Variants in ERICH3 observed in about 807,000 individuals in gnomAD.
ERICH3 encodes glutamate rich 3, also known as glutamate-rich protein 3.
In ERICH3, 126 loss-of-function variants were observed where a neutral mutation model predicts 131.1. The observed-to-expected ratio is 0.96, with a 90% CI of 0.83 to 1.11. The LOEUF (loss-of-function observed/expected upper bound fraction) is 1.11. ERICH3 is among the 50% of genes most tolerant of loss of function. The pLI is 0.00. For missense variants in ERICH3, 2,050 were observed against 1,810.7 expected (o/e 1.13, Z -2.40); for synonymous variants, 695 against 644.6 (o/e 1.08, Z -1.18).
chr1:74,669,239 T>C (rs768643256), intron 1 of ERICH3, among the ~76,000 whole-genome samples: 13 of 152,282 alleles, frequency 8.5e-5, no homozygotes, highest in Non-Finnish European at 1.6e-4. Flanking sequence ...AGGTATAAAC[T>C]AATAAGCCTA....
intron 10 of ERICH3, among the ~76,000 whole-genome samples, chr1:74,605,164 G>A (rs536145502): frequency 6.6e-6 from 1 of 151,914 alleles, no homozygotes; most frequent in Admixed American, 6.6e-5. Flanking sequence ...TAACCCTCAC[G>A]AACCAACCTC....
intron 9 of ERICH3, among the ~76,000 whole-genome samples, chr1:74,607,952 A>G (rs936222112): frequency 1.3e-5 from 2 of 151,878 alleles, no homozygotes; most frequent in South Asian, 4.1e-4. Flanking sequence ...TACCTCATAG[A>G]CCAATAAATT....
At chr1:74,578,839 C>CCCTCT (rs1486875887) in intron 12 of ERICH3, among the ~76,000 whole-genome samples, 1 of 152,052 alleles carries the variant, frequency 6.6e-6, no homozygotes, top group Non-Finnish European at 1.5e-5. Context: ...ACTTACTGAC[C>CCCTCT]CCTCTGTATT....
intron 7 of ERICH3, 47 bp from the exon 8 acceptor site, chr1:74,620,961 T>A: frequency 7.1e-7 from 1 of 1,409,222 alleles, no homozygotes; most frequent in Non-Finnish European, 9.5e-7. Flanking sequence ...TACTTTCTAA[T>A]GAGAGTTCTT....
intron 8 of ERICH3, among the ~76,000 whole-genome samples, chr1:74,618,361 T>C (rs956446600): frequency 4.6e-5 from 7 of 151,748 alleles, no homozygotes; most frequent in Non-Finnish European, 1.0e-4. Flanking sequence ...ACAAAGGAAA[T>C]AGCACAAGCA....
intron 11 of ERICH3, among the ~76,000 whole-genome samples, chr1:74,594,313 G>T (rs181477821): frequency 1.4e-5 from 2 of 142,916 alleles, no homozygotes; most frequent in Non-Finnish European, 3.0e-5. Context: ...TGTATGCTTT[G>T]TATGCCAGCA....
chr1:74,659,641 A>T (rs1646621310), intron 1 of ERICH3, among the ~76,000 whole-genome samples: 1 of 152,212 alleles, frequency 6.6e-6, no homozygotes, highest in South Asian at 2.1e-4. Flanking sequence ...AGTGTGCTAC[A>T]ATCACAACAG....
chr1:74,573,223 C>A lies in ERICH3; in HGVS notation c.2487G>T (p.Arg829Ser). 6.2e-7 allele frequency: 1 copy of A among 1,611,838 alleles called. No homozygotes were observed. Among genetic ancestry groups the A allele is most frequent in the Non-Finnish European group, 8.5e-7 (1 of 1,178,844 alleles). ...CCCTTTCTATGCCTGGAGGGATCTC[C>A]CTTTTTTCTGTAAACTCTTCTGCCA... ...PELAEEFTEK[R>S]EIPPGIERGA... Residue 829 changes from arginine to serine, a missense_variant, in exon 14 of 15, where the codon AGG (arginine) becomes AGT (serine). Transcript: ENST00000326665.
chr1:74,589,688 C>T lies in ERICH3; in HGVS notation c.2119G>A (p.Glu707Lys). 6.2e-7 allele frequency: 1 copy of T among 1,614,056 alleles called. No individual in the cohort carries two copies. The highest frequency in any genetic ancestry group is 1.7e-5 in the Admixed American group (1 of 60,006). Residue 707 changes from glutamate (E) to lysine (K), a missense_variant, in exon 12 of 15, where the codon GAA (glutamate) becomes AAA (lysine). Transcript: ENST00000326665. ...KEKDKSKLWE[E>K]STAQVKDKKA... ...TTGTCCTTCACCTGAGCAGTGCTTTCTTCCCAAAGCTTACTCTTATCCTTT... is the reference window on the plus strand; with the variant it reads ...TTGTCCTTCACCTGAGCAGTGCTTTTTTCCCAAAGCTTACTCTTATCCTTT...
chr1:74,655,896 A>G (rs1259145569), intron 1 of ERICH3, among the ~76,000 whole-genome samples: 2 of 152,168 alleles, frequency 1.3e-5, no homozygotes, highest in African/African-American at 4.8e-5. Context: ...ATTTCTCACA[A>G]TACTGGAGGC....
intron 5 of ERICH3, among the ~76,000 whole-genome samples, chr1:74,636,738 T>G (rs1217308157): frequency 1.3e-5 from 2 of 152,204 alleles, no homozygotes; most frequent in African/African-American, 4.8e-5. Flanking sequence ...TGACAATAAC[T>G]AATTTATGCT....
chr1:74,571,053 G>A (rs1646933077), intron 14 of ERICH3, 46 bp downstream of exon 14: 2 of 1,550,766 alleles, frequency 1.3e-6, no homozygotes, highest in East Asian at 2.3e-5. Context: ...GAGACCCACC[G>A]CAGGGCTGCT....
rs1646999189 is a variant in ERICH3 at position 74,573,542 on chromosome 1, G to A, written c.2219-51C>T. 5.5e-6 allele frequency: 8 copies of A among 1,466,656 alleles called. No homozygotes were observed. In the South Asian group the frequency reaches 9.0e-5, roughly 16 times the overall value. 90.9% of individuals were successfully genotyped at this position (1,466,656 alleles called of 1,614,324 possible). ...GATTACTTTAATCCAAGCGAACAAGGGAGGGGACACTATAATCTTATATCA... is the reference window on the plus strand; with the variant it reads ...GATTACTTTAATCCAAGCGAACAAGAGAGGGGACACTATAATCTTATATCA... On this transcript the variant is annotated intron_variant, in intron 13 of 14. Transcript: ENST00000326665.
At chr1:74,644,024 T>A (rs1011622367) in intron 3 of ERICH3, among the ~76,000 whole-genome samples, 3 of 152,132 alleles carry the variant, frequency 2.0e-5, no homozygotes, top group African/African-American at 7.2e-5. Flanking sequence ...TATTATTCTA[T>A]AATTTAAAAA....
At chr1:74,662,824 A>C (rs565844836) in intron 1 of ERICH3, among the ~76,000 whole-genome samples, 214 of 152,248 alleles carry the variant, frequency 1.4e-3, no homozygotes, top group Non-Finnish European at 2.1e-3. Context: ...CTGAAATTAT[A>C]CCATGTTTTT....
intron 7 of ERICH3, chr1:74,625,740 C>T (rs1291626781): frequency 3.3e-5 from 5 of 152,144 alleles, no homozygotes; most frequent in Non-Finnish European, 7.3e-5. Flanking sequence ...GCTATATTCT[C>T]ATTTAGAGGC....
At chr1:74,632,095 A>G (rs2100624104) in intron 6 of ERICH3, among the ~76,000 whole-genome samples, 167 bp from the exon 7 acceptor site, 1 of 152,270 alleles carries the variant, frequency 6.6e-6, no homozygotes, top group Non-Finnish European at 1.5e-5. Context: ...ACTTTGTAGT[A>G]TCTGCGGCAA....
intron 7 of ERICH3, chr1:74,625,019 T>A (rs1007922164): frequency 6.6e-6 from 1 of 152,152 alleles, no homozygotes; most frequent in African/African-American, 2.4e-5. Flanking sequence ...TGTGAGCCAC[T>A]GCACCTGATC....
chr1:74,639,251 A>T (rs1033658137), intron 5 of ERICH3, among the ~76,000 whole-genome samples: 1 of 152,156 alleles, frequency 6.6e-6, no homozygotes, highest in African/African-American at 2.4e-5. Flanking sequence ...AAACTTGAAA[A>T]ATCTGTTGTC....
Sources: gnomAD v4.1 joint callset for allele counts (sites outside exome capture counted in the v4.1 genomes callset) on GRCh38, gnomAD v4.1.1 for gene constraint, MANE v1.5 for transcripts, NCBI Gene and HGNC (gene_info 2026-07-23, HGNC 2026-07-21) for gene names.